Variants in NCOR2 observed in about 807,000 individuals in gnomAD.
NCOR2 encodes CTG repeat protein 26.
Under a neutral mutation model 262.9 loss-of-function variants are expected in NCOR2, and 81 were observed. That is an observed-to-expected ratio of 0.31 (90% CI 0.26 to 0.37). NCOR2 has a LOEUF of 0.37. Among genes scored for constraint, NCOR2 ranks in the 10% least tolerant of loss-of-function variants. The pLI is 1.00. For missense variants in NCOR2, 3,385 were observed against 3,621.4 expected (o/e 0.93, Z 1.68); for synonymous variants, 1,659 against 1,559.3 (o/e 1.06, Z -1.51).
At chr12:124,408,736 G>C (rs1006664175) in intron 13 of NCOR2, among the ~76,000 whole-genome samples, 1 of 152,186 alleles carries the variant, frequency 6.6e-6, no homozygotes, top group East Asian at 1.9e-4. Context: ...GTGACAGAGC[G>C]AGACTCCATC....
intron 3 of NCOR2, among the ~76,000 whole-genome samples, chr12:124,478,846 G>A (rs1433275886): frequency 6.6e-6 from 1 of 151,970 alleles, no homozygotes; most frequent in African/African-American, 2.4e-5. Context: ...GAGATAGAGG[G>A]ACACAAAGAG....
chr12:124,437,486 A>G (rs1447832146), intron 8 of NCOR2, among the ~76,000 whole-genome samples: 1 of 152,162 alleles, frequency 6.6e-6, no homozygotes, highest in Non-Finnish European at 1.5e-5. Flanking sequence ...CCACTGTCTC[A>G]GTTTCCCTGA....
chr12:124,339,597 C>T (rs1030683318), intron 37 of NCOR2, among the ~76,000 whole-genome samples: 13 of 140,086 alleles, frequency 9.3e-5, no homozygotes. Flanking sequence ...ACCATCTATC[C>T]TCCCACTGAC....
intron 1 of NCOR2, among the ~76,000 whole-genome samples, chr12:124,524,756 C>T (rs184543722): frequency 2.7e-4 from 41 of 152,350 alleles, no homozygotes; most frequent in East Asian, 1.2e-3. Context: ...CGTCCCTGGA[C>T]GCCTGGCCTG....
At chr12:124,327,265 C>G (rs907089719) in intron 45 of NCOR2, 144 bp downstream of exon 47, 11 of 704,738 alleles carry the variant, frequency 1.6e-5, no homozygotes, top group Middle Eastern at 4.0e-4. Context: ...TTAGCAAACT[C>G]CAGAACGAGG....
At chr12:124,479,672 TAAA>T (rs1284176243) in intron 3 of NCOR2, among the ~76,000 whole-genome samples, 1 of 152,236 alleles carries the variant, frequency 6.6e-6, no homozygotes, top group African/African-American at 2.4e-5. Flanking sequence ...GAGGCTGAGC[TAAA>T]ATTCTCTCCT....
intron 15 of NCOR2, 105 bp downstream of exon 17, chr12:124,400,396 C>T (rs2041931448): frequency 6.8e-7 from 1 of 1,461,270 alleles, no homozygotes; most frequent in East Asian, 2.3e-5. Flanking sequence ...TACACCAACC[C>T]CTTGGCTGTT....
chr12:124,426,261 C>A (rs2043539817), intron 11 of NCOR2, among the ~76,000 whole-genome samples: 1 of 152,102 alleles, frequency 6.6e-6, no homozygotes, highest in Admixed American at 6.5e-5. Context: ...TAGGCTAGAC[C>A]CTAAATTCAG....
intron 1 of NCOR2, among the ~76,000 whole-genome samples, chr12:124,508,856 G>A (rs1286230439): frequency 2.0e-5 from 3 of 152,206 alleles, no homozygotes; most frequent in Non-Finnish European, 4.4e-5. Flanking sequence ...CACAAGAGAG[G>A]TGAGGGAAGG....
chr12:124,373,933 C>T (rs1247383517), intron 19 of NCOR2, among the ~76,000 whole-genome samples: 2 of 150,996 alleles, frequency 1.3e-5, no homozygotes, highest in Non-Finnish European at 3.0e-5. Context: ...CCCACACCAA[C>T]GGCCTCAGCA....
chr12:124,388,269 G>C (rs1297769835), intron 16 of NCOR2, among the ~76,000 whole-genome samples: 1 of 152,180 alleles, frequency 6.6e-6, no homozygotes, highest in African/African-American at 2.4e-5. Context: ...TGCCGGCCAG[G>C]GCTGCGGGGT....
chr12:124,379,580 G>C (rs1025163876), intron 17 of NCOR2, among the ~76,000 whole-genome samples: 1 of 152,200 alleles, frequency 6.6e-6, no homozygotes, highest in African/African-American at 2.4e-5. Flanking sequence ...GTGACGGGGG[G>C]GCGGCAGCCT....
intron 16 of NCOR2, among the ~76,000 whole-genome samples, chr12:124,386,213 C>T (rs1223620795): frequency 6.6e-6 from 1 of 152,020 alleles, no homozygotes; most frequent in South Asian, 2.1e-4. Context: ...AGTCTGGGGG[C>T]GGAGGGCTGT....
chr12:124,534,981 T>C (rs1015256685), intron 1 of NCOR2, among the ~76,000 whole-genome samples: 4 of 152,230 alleles, frequency 2.6e-5, no homozygotes, highest in African/African-American at 9.6e-5. Context: ...GGGGAAACTG[T>C]TATTGCCTCC....
chr12:124,565,764 T>C (rs2052218432), intron 1 of NCOR2, among the ~76,000 whole-genome samples: 1 of 152,156 alleles, frequency 6.6e-6, no homozygotes, highest in Non-Finnish European at 1.5e-5. Context: ...ATTTTGCAGA[T>C]GGGAAACCTG....
intron 31 of NCOR2, among the ~76,000 whole-genome samples, chr12:124,346,156 G>C (rs1271714128): frequency 6.6e-6 from 1 of 152,182 alleles, no homozygotes; most frequent in Non-Finnish European, 1.5e-5. Context: ...AATAAAATAA[G>C]GTCATTAAGA....
At chr12:124,439,263 G>GACACA (rs1565945495) in intron 7 of NCOR2, among the ~76,000 whole-genome samples, 1 of 10,094 alleles carries the variant, frequency 9.9e-5, no homozygotes, top group Non-Finnish European at 2.7e-4. Flanking sequence ...AGAGAGAGAT[G>GACACA]GAGACCCTGA....
exon 46 of NCOR2, chr12:124,326,313 G>A (rs752194984): frequency 1.4e-5 from 21 of 1,549,352 alleles, no homozygotes; most frequent in South Asian, 3.6e-5. Context: ...GCCCGGGGCC[G>A]GGGACTTGGC....
At chr12:124,446,537 C>T (rs2045183160) in intron 7 of NCOR2, among the ~76,000 whole-genome samples, 1 of 152,144 alleles carries the variant, frequency 6.6e-6, no homozygotes, top group Admixed American at 6.5e-5. Flanking sequence ...TTTGCACCTC[C>T]TGTTCCACCT....
Sources: gnomAD v4.1 joint callset for allele counts (sites outside exome capture counted in the v4.1 genomes callset) on GRCh38, gnomAD v4.1.1 for gene constraint, MANE v1.5 for transcripts, NCBI Gene and HGNC (gene_info 2026-07-23, HGNC 2026-07-21) for gene names.